The following ZNF574 variants were observed in gnomAD, a reference collection of about 807,000 sequenced individuals.
The protein encoded by ZNF574 is zinc finger protein 574.
ZNF574 carries 25 observed loss-of-function variants against 56.6 expected under a neutral mutation model. The ratio of observed to expected loss-of-function variants is 0.44; its 90% confidence interval spans 0.32 to 0.62. The LOEUF (loss-of-function observed/expected upper bound fraction) is 0.62. ZNF574 is among the 20% of genes least tolerant of loss of function. The probability of loss-of-function intolerance (pLI) is 0.04; values close to 1 mark genes in which losing one functional copy is unlikely to be tolerated. For missense variants in ZNF574, 1,065 were observed against 1,218.9 expected, an observed-to-expected ratio of 0.87 and a Z score of 1.88; for synonymous variants, 543 against 492.1, an observed-to-expected ratio of 1.10 and a Z score of -1.37.
chr19:42,079,188 T>G lies in ZNF574; in HGVS notation c.582T>G (p.Thr194=), dbSNP rs765141436. The stretch of plus-strand genomic sequence containing the variant: ...CAGAAGAGGGTGGGGAAGGGGCGAC[T>G]GTCCCATCTGCCGCTGCCACCACCA... ...RKAEEGGEGA[T]VPSAAATTTE... is the part of the protein sequence containing the mutation. The change falls in exon 2 of 2, where the codon ACT becomes ACG. Residue 194 remains threonine (T), a synonymous_variant. Coordinates refer to ENST00000359044, the MANE Select transcript of ZNF574 (RefSeq NM_022752.6). The surrounding 1 kb of genome is among the most constrained non-coding windows in gnomAD (Gnocchi z 4.3). 3.5e-5 allele frequency: 57 copies of G among 1,613,792 alleles called. 1 individual carries two copies. The highest frequency in any genetic ancestry group is 1.3e-4 in the Admixed American group (8 of 60,004).
chr19:42,073,696 T>C (rs2146207680), upstream of ZNF574, among the ~76,000 whole-genome samples: 1 of 150,740 alleles, frequency 6.6e-6, no homozygotes, highest in African/African-American at 2.4e-5. Context: ...TGGCGGTGTA[T>C]GCCTGTAATC....
At chr19:42,075,820 G>A (rs1467280613), upstream of ZNF574, among the ~76,000 whole-genome samples, 1 of 152,130 alleles carries the variant, frequency 6.6e-6, no homozygotes, top group African/African-American at 2.4e-5. Flanking sequence ...AATGGCGCCC[G>A]CGGCCGCGCT....
chr19:42,080,188 T>C lies in ZNF574; in HGVS notation c.1582T>C (p.Cys528Arg). The C allele has an allele frequency of 1.2e-6, 2 of 1,614,002 alleles. No individual in the cohort carries two copies. Among genetic ancestry groups the C allele is most frequent in the Non-Finnish European group, 1.7e-6 (2 of 1,180,006 alleles). The part of the protein sequence containing the change: ...TGERPFPCPD[C>R]SKPFNSPANL... ...GGAGCGGCCCTTCCCCTGCCCTGAC[T>C]GCTCCAAGCCCTTCAACTCACCTGC... The change falls in exon 2 of 2, where the codon TGC (cysteine) becomes CGC (arginine). Residue 528 changes from cysteine to arginine, a missense_variant. Coordinates refer to ENST00000359044, the MANE Select transcript of ZNF574 (RefSeq NM_022752.6). This position sits in a 1 kb window ranked among gnomAD's most constrained non-coding sequence, Gnocchi z 8.5.
At position 42,079,638 on chromosome 19, in the gene ZNF574, C is replaced by G; in HGVS notation, c.1032C>G (p.Val344=). ...TTAAGTGCCCCCTGTGCAGTCGTGT[C>G]TTCCCTAGCCCTTCCAGTCTGGACC... is the stretch of plus-strand genomic sequence containing the variant. The part of the protein sequence containing the change: ...GVFKCPLCSR[V]FPSPSSLDQH... Residue 344 remains valine (V), a synonymous_variant, in exon 2 of 2, where the codon GTC becomes GTG. Transcript: ENST00000359044. The surrounding 1 kb of genome is among the most constrained non-coding windows in gnomAD (Gnocchi z 4.3). 6.2e-7 allele frequency: 1 copy of G among 1,614,064 alleles called. No individual in the cohort carries two copies. The highest frequency in any genetic ancestry group is 8.5e-7 in the Non-Finnish European group (1 of 1,180,008).
upstream of ZNF574, among the ~76,000 whole-genome samples, chr19:42,072,212 C>CA (rs916597853): frequency 2.8e-4 from 42 of 151,250 alleles, 1 homozygote; most frequent in Admixed American, 2.5e-3. Flanking sequence ...CCTGGATCCT[C>CA]AAATTTTCTT....
At chr19:42,068,506 G>A in exon 1 of ZNF574, 1 of 382,056 alleles carries the variant, frequency 2.6e-6, no homozygotes, top group Non-Finnish European at 4.6e-6. Context: ...GAGGAGCCGG[G>A]CACCCAGAGT....
chr19:42,073,150 T>C (rs947633039), upstream of ZNF574, among the ~76,000 whole-genome samples: 10 of 152,194 alleles, frequency 6.6e-5, no homozygotes, highest in Non-Finnish European at 1.5e-4. Context: ...GGGCCAAGAA[T>C]GTAGACTGTA....
At chr19:42,074,575 T>C (rs1290495948), upstream of ZNF574, 1 of 152,172 alleles carries the variant, frequency 6.6e-6, no homozygotes, top group Non-Finnish European at 1.5e-5. Flanking sequence ...TCACATGAAA[T>C]GGGGCTGTTA....
intron 1 of ZNF574, 123 bp from the exon 2 acceptor site, chr19:42,078,464 T>C: frequency 2.3e-6 from 2 of 868,286 alleles, no homozygotes; most frequent in South Asian, 3.4e-5. Context: ...AGGCAGAATT[T>C]TAAAAATCGA....
At chr19:42,073,261 T>C (rs1272053193), upstream of ZNF574, among the ~76,000 whole-genome samples, 2 of 152,200 alleles carry the variant, frequency 1.3e-5, no homozygotes, top group African/African-American at 2.4e-5. Context: ...AGCATGACAG[T>C]TTCTCTCTCA....
chr19:42,077,365 G>A (rs1225491579), intron 1 of ZNF574, among the ~76,000 whole-genome samples: 1 of 151,886 alleles, frequency 6.6e-6, no homozygotes, highest in African/African-American at 2.4e-5. Context: ...CAAAGAAGAG[G>A]AGTTATGTTG....
chr19:42,073,784 T>TC (rs942263967), upstream of ZNF574, among the ~76,000 whole-genome samples: 1 of 117,112 alleles, frequency 8.5e-6, no homozygotes, highest in Non-Finnish European at 1.6e-5. Flanking sequence ...ACCACTGCAC[T>TC]CCAGCCTGGG....
chr19:42,069,751 CT>C (rs2076398181), intron 1 of ZNF574, among the ~76,000 whole-genome samples: 1 of 151,328 alleles, frequency 6.6e-6, no homozygotes, highest in Non-Finnish European at 1.5e-5. Context: ...GGGCCGCCCC[CT>C]TTCCCCCTCC....
In ZNF574 at chr19:42,079,116, T is replaced by G; in HGVS notation, c.510T>G (p.Pro170=). The G allele has an allele frequency of 1.2e-6, 2 of 1,614,024 alleles. No individual in the cohort carries two copies. The highest frequency in any genetic ancestry group is 1.7e-6 in the Non-Finnish European group (2 of 1,179,962). Residue 170 remains proline (P), a synonymous_variant, in exon 2 of 2, where the codon CCT becomes CCG. Transcript: ENST00000359044. This position sits in a 1 kb window ranked among gnomAD's most constrained non-coding sequence, Gnocchi z 4.3. The part of the protein sequence containing the change: ...VVLGSPVVLG[P]PVGQARVAVE... ...TGGGGTCCCCAGTTGTTCTAGGGCC[T>G]CCTGTGGGCCAGGCCCGAGTGGCTG...
chr19:42,076,659 G>C (rs2076458113), intron 1 of ZNF574, among the ~76,000 whole-genome samples: 1 of 152,222 alleles, frequency 6.6e-6, no homozygotes, highest in Admixed American at 6.5e-5. Flanking sequence ...GGCTGGGCCG[G>C]TTAGACGGCA....
At position 42,081,391 on chromosome 19, in the gene ZNF574, CT is replaced by C. The variant is rs1468707951; in HGVS notation, c.*96del. On this transcript the variant is annotated 3_prime_UTR_variant, in exon 2 of 2. Coordinates refer to ENST00000359044, the MANE Select transcript of ZNF574 (RefSeq NM_022752.6). ...ATCTGTACATACTGTGTCCCTTCCT[CT>C]TCCCATCCCCACCACCTTGTAAGTT... The C allele has an allele frequency of 5.4e-6, 8 of 1,489,274 alleles. No homozygotes were observed. The highest frequency in any genetic ancestry group is 7.5e-6 in the Non-Finnish European group (8 of 1,070,718). 92.3% of individuals were successfully genotyped at this position (1,489,274 alleles called of 1,614,324 possible).
At chr19:42,077,280 G>A (rs1169512152) in intron 1 of ZNF574, among the ~76,000 whole-genome samples, 1 of 152,140 alleles carries the variant, frequency 6.6e-6, no homozygotes, top group East Asian at 1.9e-4. Context: ...TCCCTAAAGG[G>A]GGTTTGGGCA....
At chr19:42,077,371 T>C (rs992548197) in intron 1 of ZNF574, among the ~76,000 whole-genome samples, 2 of 151,708 alleles carry the variant, frequency 1.3e-5, no homozygotes, top group East Asian at 1.9e-4. Context: ...AGAGGAGTTA[T>C]GTTGCTACGA....
upstream of ZNF574, among the ~76,000 whole-genome samples, chr19:42,075,751 C>T (rs1404144635): frequency 6.6e-6 from 1 of 152,220 alleles, no homozygotes; most frequent in East Asian, 1.9e-4. Context: ...CCTCAATTTC[C>T]CAGGCTCTTT....
Sources: gnomAD v4.1 joint callset for allele counts (sites outside exome capture counted in the v4.1 genomes callset) on GRCh38, gnomAD v4.1.1 for gene constraint, Gnocchi (gnomAD v3.1) non-coding constraint, MANE v1.5 for transcripts, NCBI Gene and HGNC (gene_info 2026-07-23, HGNC 2026-07-21) for gene names.